Variants in METTL16 observed in about 807,000 individuals in gnomAD.
The protein encoded by METTL16 is RNA N(6)-adenosine-methyltransferase METTL16.
In METTL16, 19 loss-of-function variants were observed where a neutral mutation model predicts 57.9. That is an observed-to-expected ratio of 0.33 (90% CI 0.23 to 0.48). The LOEUF (loss-of-function observed/expected upper bound fraction) is 0.48. Ranked by LOEUF, METTL16 falls within the 20% of genes least tolerant of loss-of-function variation. METTL16 has a pLI of 0.99. For missense variants in METTL16, 434 were observed against 691.5 expected, an observed-to-expected ratio of 0.63 and a Z score of 4.18; for synonymous variants, 246 against 255.6, an observed-to-expected ratio of 0.96 and a Z score of 0.36.
intron 4 of METTL16, among the ~76,000 whole-genome samples, chr17:2,471,355 G>C (rs2067233424): frequency 6.6e-6 from 1 of 152,156 alleles, no homozygotes; most frequent in Admixed American, 6.5e-5. Context: ...ATTTTTAGTA[G>C]AGATGGGGGT....
In METTL16 at chr17:2,426,104, C is replaced by A. The variant is rs1298840962; in HGVS notation, c.889-5200G>T. The stretch of plus-strand genomic sequence containing the variant: ...TCTAGTATTTGCAGGAAGAGAAGAG[C>A]CATTCTACAGAGAAATCTGGTGCGC... On this transcript the variant is annotated intron_variant, in intron 8 of 9. Transcript: ENST00000263092. Among the ~76,000 whole-genome samples, 7 of 151,224 alleles carry A rather than the reference C, an allele frequency of 4.6e-5. No homozygotes were observed. The East Asian group carries it at 1.4e-3, about 29-fold the overall frequency.
rs768278759 is a variant in METTL16, at chr17:2,420,421, G to C, written c.1238C>G (p.Pro413Arg). 1.9e-6 allele frequency: 3 copies of C among 1,614,064 alleles called. No individual in the cohort carries two copies. The highest frequency in any genetic ancestry group is 2.5e-6 in the Non-Finnish European group (3 of 1,180,030). ...IQALEEKKPT[P>R]KESGNSQELA... ...TTCTTGGCTATTGCCAGACTCTTTG[G>C]GGGTGGGCTTTTTCTCTTCCAAGGC... is the stretch of plus-strand genomic sequence containing the variant. Residue 413 changes from proline (P) to arginine (R), a missense_variant, in exon 10 of 10, where the codon CCC becomes CGC. Transcript: ENST00000263092. This position sits in a 1 kb window ranked among gnomAD's most constrained non-coding sequence, Gnocchi z 5.4.
Position 2,477,854 on chromosome 17 carries a change from C to G in METTL16, c.160G>C (p.Ala54Pro). The G allele has an allele frequency of 6.2e-7, 1 of 1,614,076 alleles. No individual in the cohort carries two copies. Among genetic ancestry groups the G allele is most frequent in the Non-Finnish European group, 8.5e-7 (1 of 1,179,956 alleles). ...LNFKDPEAVR[A>P]LTCTLLREDF... Reference sequence around the variant, plus strand: ...TCCCTTAGGAGAGTACACGTCAGAGCTCTGACTGCTTCGGGGTCTTTAAAA... The same window carrying G: ...TCCCTTAGGAGAGTACACGTCAGAGGTCTGACTGCTTCGGGGTCTTTAAAA... Residue 54 changes from alanine to proline, a missense_variant, in exon 3 of 10, where the codon GCT (alanine) becomes CCT (proline). Ala to Pro is a conservative substitution (Grantham distance 27). This residue lies in a region of METTL16 where 118 missense variants were observed against 280.0 expected (regional missense o/e 0.42). Transcript: ENST00000263092.
chr17:2,479,606 T>C (rs1172691412), intron 2 of METTL16, among the ~76,000 whole-genome samples: 1 of 152,132 alleles, frequency 6.6e-6, no homozygotes, highest in African/African-American at 2.4e-5. Flanking sequence ...TGGTCTGTAC[T>C]ATCTCCTTTT....
chr17:2,492,847 A>C (rs974249386), intron 2 of METTL16, among the ~76,000 whole-genome samples: 32 of 149,794 alleles, frequency 2.1e-4, no homozygotes, highest in Middle Eastern at 3.4e-3. Context: ...GCAGTGAGCC[A>C]AGAACACGCC....
At chr17:2,464,089 C>T in intron 6 of METTL16, 119 bp downstream of exon 6, 1 of 1,104,834 alleles carries the variant, frequency 9.1e-7, no homozygotes, top group Non-Finnish European at 1.3e-6. Context: ...CGCCACTGCA[C>T]TCCAGCCTGG....
At chr17:2,481,699 G>A (rs1294404490) in intron 2 of METTL16, among the ~76,000 whole-genome samples, 1 of 152,080 alleles carries the variant, frequency 6.6e-6, no homozygotes, top group African/African-American at 2.4e-5. Flanking sequence ...CAGATAACTG[G>A]GGATTCTGAA....
At chr17:2,507,819 G>A (rs2067557751) in intron 1 of METTL16, among the ~76,000 whole-genome samples, 1 of 152,190 alleles carries the variant, frequency 6.6e-6, no homozygotes, top group Non-Finnish European at 1.5e-5. Flanking sequence ...GTTGATCTGT[G>A]ACCTTACCCC....
intron 2 of METTL16, among the ~76,000 whole-genome samples, chr17:2,492,676 G>C (rs960539903): frequency 3.9e-5 from 6 of 151,912 alleles, no homozygotes; most frequent in African/African-American, 1.5e-4. Context: ...TGGATCAAGA[G>C]GTCAGGAGTT....
intron 6 of METTL16, among the ~76,000 whole-genome samples, chr17:2,446,445 A>G (rs767044615): frequency 1.3e-5 from 2 of 152,362 alleles, no homozygotes; most frequent in African/African-American, 2.4e-5. Context: ...ATTAGAACTA[A>G]TAAGTGAGTT....
At chr17:2,445,957 A>G (rs1330748889) in intron 6 of METTL16, among the ~76,000 whole-genome samples, 2 of 152,162 alleles carry the variant, frequency 1.3e-5, no homozygotes, top group Non-Finnish European at 2.9e-5. Context: ...TTAATATTCA[A>G]AAATCAATAT....
chr17:2,502,808 A>C (rs1272345509), intron 1 of METTL16, among the ~76,000 whole-genome samples: 2 of 152,216 alleles, frequency 1.3e-5, no homozygotes, highest in African/African-American at 4.8e-5. Context: ...ACAACAAATA[A>C]GCACATGAAG....
rs193048723 is a variant in METTL16, at chr17:2,429,814, T to G, written c.888+8295A>C. Among the ~76,000 whole-genome samples, 459 of 151,482 alleles carry G rather than the reference T, an allele frequency of 3.0e-3. 3 individuals are homozygous for G. Among genetic ancestry groups the G allele is most frequent in the African/African-American group, 7.7e-3 (316 of 41,246 alleles). On this transcript the variant is annotated intron_variant, in intron 8 of 9. Coordinates refer to ENST00000263092, the MANE Select transcript of METTL16 (RefSeq NM_024086.4). ...TGTATCTGATCAAGCTGCTGCTGCT[T>G]CTTTTTTTTTTTCTGAGGCGGAGTC...
intron 6 of METTL16, among the ~76,000 whole-genome samples, chr17:2,446,672 C>T (rs1288845807): frequency 1.3e-5 from 2 of 151,566 alleles, no homozygotes; most frequent in Admixed American, 6.6e-5. Flanking sequence ...CAAGGCTGGA[C>T]GGTGCTGCTG....
rs956857772 is a variant in METTL16, at chr17:2,419,836, T to C, written c.*134A>G. 53 of 1,093,678 alleles carry C rather than the reference T, an allele frequency of 4.8e-5. No individual in the cohort carries two copies. The Admixed American group carries it at 7.6e-4, about 16-fold the overall frequency. 67.7% of individuals were successfully genotyped at this position (1,093,678 alleles called of 1,614,324 possible). ...GAGGCGGGGGGAGGTGGGGGACAGA[T>C]TCATAGGTTTTTGTTTTCGAAGATA... On this transcript the variant is annotated 3_prime_UTR_variant, in exon 10 of 10. Transcript: ENST00000263092.
chr17:2,444,926 G>A (rs1451047458), intron 6 of METTL16, among the ~76,000 whole-genome samples: 1 of 151,928 alleles, frequency 6.6e-6, no homozygotes, highest in Non-Finnish European at 1.5e-5. Context: ...ATGTTGGCCA[G>A]GCTGGTCTTG....
At chr17:2,482,830 G>A (rs556005046) in intron 2 of METTL16, among the ~76,000 whole-genome samples, 1 of 152,318 alleles carries the variant, frequency 6.6e-6, no homozygotes, top group South Asian at 2.1e-4. Context: ...AGGATCACTT[G>A]AGCCCAGGAG....
intron 4 of METTL16, among the ~76,000 whole-genome samples, chr17:2,469,004 G>A (rs2067220131): frequency 6.6e-6 from 1 of 151,530 alleles, no homozygotes; most frequent in South Asian, 2.1e-4. Context: ...GGAGGCCGAG[G>A]CAGGTGGATC....
At chr17:2,422,051 C>T (rs1447628564) in intron 8 of METTL16, among the ~76,000 whole-genome samples, 2 of 152,138 alleles carry the variant, frequency 1.3e-5, no homozygotes, top group Admixed American at 6.5e-5. Flanking sequence ...GTGGCTCATG[C>T]TTGTAATCCT....
Sources: allele counts gnomAD v4.1 joint callset (sites outside exome capture counted in the v4.1 genomes callset), GRCh38; gene constraint gnomAD v4.1.1; regional missense constraint gnomAD v4.1.1; non-coding constraint Gnocchi (gnomAD v3.1); transcripts MANE v1.5; gene names NCBI Gene and HGNC (gene_info 2026-07-23, HGNC 2026-07-21).